The following RNF212B variants were observed in gnomAD, a reference collection of about 807,000 sequenced individuals.
RNF212B encodes the protein ring finger protein 212B.
In RNF212B, 52 loss-of-function variants were observed where a neutral mutation model predicts 55.5. That is an observed-to-expected ratio of 0.94 (90% CI 0.75 to 1.18). RNF212B has a LOEUF of 1.18. Ranked by LOEUF, RNF212B falls within the 50% of genes most tolerant of loss-of-function variation. The pLI is 0.00. For synonymous variants in RNF212B, 99 were observed against 121.4 expected (o/e 0.82, Z 1.21); for missense variants, 289 against 350.4 (o/e 0.82, Z 1.40).
intron 7 of RNF212B, among the ~76,000 whole-genome samples, chr14:23,261,571 A>C (rs117086416): frequency 1.3e-5 from 2 of 152,222 alleles, no homozygotes; most frequent in Non-Finnish European, 2.9e-5. Context: ...TTCAATATTA[A>C]GTGCCTACTG....
At chr14:23,229,221 TATATATATATATATATA>T (rs1594903374) in intron 2 of RNF212B, among the ~76,000 whole-genome samples, 1 of 39,534 alleles carries the variant, frequency 2.5e-5, no homozygotes, top group Non-Finnish European at 4.4e-5. Context: ...AATAATATTT[TATATATATATATATATA>T]TATATATATA....
chr14:23,256,877 G>T (rs112901482), intron 4 of RNF212B, among the ~76,000 whole-genome samples: 3 of 151,916 alleles, frequency 2.0e-5, no homozygotes, highest in Non-Finnish European at 4.4e-5. Flanking sequence ...TTTTTTGGCC[G>T]GGCATGGTGG....
intron 1 of RNF212B, among the ~76,000 whole-genome samples, chr14:23,239,174 C>T (rs903691959): frequency 6.6e-6 from 1 of 152,108 alleles, no homozygotes; most frequent in Non-Finnish European, 1.5e-5. Flanking sequence ...TATCATGCCT[C>T]AGCTTCCCAA....
intron 1 of RNF212B, among the ~76,000 whole-genome samples, chr14:23,186,908 C>T (rs1393196385): frequency 6.6e-6 from 1 of 152,174 alleles, no homozygotes; most frequent in African/African-American, 2.4e-5. Context: ...TGGTCAAAGC[C>T]TCAATTTCTT....
intron 2 of RNF212B, among the ~76,000 whole-genome samples, chr14:23,227,854 C>A (rs1021881720): frequency 6.6e-6 from 1 of 152,064 alleles, no homozygotes; most frequent in Non-Finnish European, 1.5e-5. Flanking sequence ...CCACCTCAGC[C>A]CCCCGAAGTG....
chr14:23,257,570 G>T (rs1884939124), intron 4 of RNF212B, among the ~76,000 whole-genome samples: 1 of 152,122 alleles, frequency 6.6e-6, no homozygotes, highest in Non-Finnish European at 1.5e-5. Flanking sequence ...ACAAAAGAGG[G>T]TTTATAGTCT....
At chr14:23,229,311 A>C (rs570439995) in intron 2 of RNF212B, among the ~76,000 whole-genome samples, 1 of 133,368 alleles carries the variant, frequency 7.5e-6, no homozygotes, top group African/African-American at 2.8e-5. Flanking sequence ...TGTTGTTTCT[A>C]TCTTTTGGTT....
In RNF212B at chr14:23,220,614, A is replaced by G. The variant is rs1424707460; in HGVS notation, c.-1-19731A>G. On this transcript the variant is annotated intron_variant, in intron 2 of 15. Coordinates refer to the RNF212B transcript ENST00000399910. ...GCTGAGGCAGGTGGATCACGAGGTCAGGAGATCGAGATCACCCTGGCTAAC... is the reference window on the plus strand; with the variant it reads ...GCTGAGGCAGGTGGATCACGAGGTCGGGAGATCGAGATCACCCTGGCTAAC... Among the ~76,000 whole-genome samples the G allele has an allele frequency of 8.5e-5, 13 of 152,098 alleles. 1 individual carries two copies. The highest frequency in any genetic ancestry group is 7.9e-4 in the Admixed American group (12 of 15,274).
At chr14:23,255,638 G>A (rs1005640744) in intron 4 of RNF212B, among the ~76,000 whole-genome samples, 1 of 152,200 alleles carries the variant, frequency 6.6e-6, no homozygotes, top group African/African-American at 2.4e-5. Context: ...GCCAAGGCAG[G>A]AGGATTGTTT....
intron 2 of RNF212B, among the ~76,000 whole-genome samples, chr14:23,208,362 TG>T (rs1453523012): frequency 1.3e-5 from 2 of 152,102 alleles, no homozygotes; most frequent in East Asian, 3.9e-4. Flanking sequence ...TCCAGAGTGA[TG>T]GTGTGTGCCT....
intron 2 of RNF212B, among the ~76,000 whole-genome samples, chr14:23,228,177 A>G (rs1348396822): frequency 6.6e-6 from 1 of 151,920 alleles, no homozygotes; most frequent in Non-Finnish European, 1.5e-5. Flanking sequence ...GATTGCGGTG[A>G]GCTGAGATCG....
intron 2 of RNF212B, among the ~76,000 whole-genome samples, chr14:23,223,857 A>C (rs528825552): frequency 6.3e-4 from 96 of 152,230 alleles, no homozygotes; most frequent in Non-Finnish European, 1.1e-3. Flanking sequence ...ACTCCACCAA[A>C]AACTATTAGA....
At chr14:23,215,390 A>G (rs1355439619) in intron 2 of RNF212B, among the ~76,000 whole-genome samples, 1 of 152,222 alleles carries the variant, frequency 6.6e-6, no homozygotes. Flanking sequence ...GATTCAAATG[A>G]CAGTGTATTT....
chr14:23,195,400 G>A (rs1047670327), intron 2 of RNF212B, among the ~76,000 whole-genome samples: 3 of 152,070 alleles, frequency 2.0e-5, no homozygotes, highest in East Asian at 1.9e-4. Context: ...AATTATAAGC[G>A]CTTGACTCGT....
At chr14:23,230,340 C>T (rs945862941) in intron 2 of RNF212B, among the ~76,000 whole-genome samples, 5 of 151,960 alleles carry the variant, frequency 3.3e-5, no homozygotes, top group Admixed American at 2.0e-4. Context: ...CTTCTGTTGC[C>T]TGTGCTATTT....
At chr14:23,201,437 C>T (rs756150878) in intron 2 of RNF212B, among the ~76,000 whole-genome samples, 78 of 152,266 alleles carry the variant, frequency 5.1e-4, no homozygotes, top group Non-Finnish European at 1.0e-3. Context: ...TGATAATGTA[C>T]ACTAAGTTAT....
chr14:23,231,614 C>T (rs903951657), intron 2 of RNF212B, among the ~76,000 whole-genome samples: 8 of 150,802 alleles, frequency 5.3e-5, no homozygotes, highest in African/African-American at 1.7e-4. Context: ...AAGAGCTCCC[C>T]CTCTCCCCTC....
intron 2 of RNF212B, among the ~76,000 whole-genome samples, chr14:23,205,314 C>CT (rs1879729595): frequency 8.6e-6 from 1 of 116,152 alleles, no homozygotes; most frequent in African/African-American, 4.9e-5. Flanking sequence ...AAAAGGACAC[C>CT]CTTTTTTTTT....
In RNF212B at chr14:23,269,949, C is replaced by T. The variant is rs1408189492; in HGVS notation, c.761C>T (p.Pro254Leu). The T allele has an allele frequency of 6.5e-7, 1 of 1,538,088 alleles. No individual in the cohort carries two copies. Among genetic ancestry groups the T allele is most frequent in the East Asian group, 2.4e-5 (1 of 40,860 alleles). ...TCAGGCCACACAAGAGTCCTCACCC[C>T]CAACAATTTTGGTAAGTTAAATAAC... ...GHSGHTRVLT[P>L]NNFAQRESTT... is the part of the protein sequence containing the mutation. Residue 254 changes from proline to leucine, a missense_variant, in exon 13 of 15, where the codon CCC becomes CTC. Pro to Leu is a moderately conservative substitution (Grantham distance 98). Coordinates refer to ENST00000430154, the MANE Select transcript of RNF212B (RefSeq NM_001282322.3).
Sources: gnomAD v4.1 joint callset for allele counts (sites outside exome capture counted in the v4.1 genomes callset) on GRCh38, gnomAD v4.1.1 for gene constraint, MANE v1.5 for transcripts, NCBI Gene and HGNC (gene_info 2026-07-23, HGNC 2026-07-21) for gene names.